Variants in L3MBTL4 observed in about 807,000 individuals in gnomAD.
L3MBTL4 encodes the protein L3MBTL histone methyl-lysine binding protein 4.
A neutral mutation model predicts 84.5 loss-of-function variants in L3MBTL4; 70 were observed. The ratio of observed to expected loss-of-function variants is 0.83; its 90% CI spans 0.68 to 1.01. The LOEUF is 1.01. L3MBTL4 is among the 50% of genes least tolerant of loss of function. The pLI is 0.00. For missense variants in L3MBTL4, 715 were observed against 754.8 expected, an observed-to-expected ratio of 0.95 and a Z score of 0.62; for synonymous variants, 274 against 259.8, an observed-to-expected ratio of 1.05 and a Z score of -0.52.
chr18:6,040,855 A>C (rs547837032), intron 16 of L3MBTL4, among the ~76,000 whole-genome samples: 1 of 152,278 alleles, frequency 6.6e-6, no homozygotes, highest in South Asian at 2.1e-4. Context: ...TCTCAGTTGT[A>C]GGGTCACAGG....
At chr18:6,022,322 G>A (rs986095304) in intron 16 of L3MBTL4, among the ~76,000 whole-genome samples, 2 of 152,044 alleles carry the variant, frequency 1.3e-5, no homozygotes, top group East Asian at 1.9e-4. Flanking sequence ...TATGACCACC[G>A]TTCTGCTCAA....
chr18:6,292,220 C>G lies in L3MBTL4; in HGVS notation c.127+9683G>C, dbSNP rs182160851. ...ACTCAATGGCTACGACAGGTTTCACCAAGTTTCTCCCATGGTCTTCAGGTT... is the reference window on the plus strand; with the variant it reads ...ACTCAATGGCTACGACAGGTTTCACGAAGTTTCTCCCATGGTCTTCAGGTT... On this transcript the variant is annotated intron_variant, in intron 4 of 18. Coordinates refer to ENST00000317931, the MANE Select transcript of L3MBTL4 (RefSeq NM_001330559.2). 2.3e-3 allele frequency among the ~76,000 whole-genome samples: 350 copies of G among 152,270 alleles called. 1 individual carries two copies. Among genetic ancestry groups the G allele is most frequent in the African/African-American group, 7.5e-3 (311 of 41,548 alleles).
At chr18:5,968,607 G>A (rs2052472103) in intron 17 of L3MBTL4, among the ~76,000 whole-genome samples, 1 of 151,956 alleles carries the variant, frequency 6.6e-6, no homozygotes, top group African/African-American at 2.4e-5. Context: ...TGAAGTGGGA[G>A]GATCGCTAGA....
intron 16 of L3MBTL4, among the ~76,000 whole-genome samples, chr18:6,025,880 C>T (rs1053140880): frequency 1.3e-5 from 2 of 152,210 alleles, no homozygotes; most frequent in African/African-American, 2.4e-5. Context: ...CTTCCTGCTG[C>T]GCAGCCTGGT....
At chr18:6,069,481 G>T (rs534148560) in intron 16 of L3MBTL4, among the ~76,000 whole-genome samples, 4 of 151,876 alleles carry the variant, frequency 2.6e-5, no homozygotes, top group African/African-American at 9.7e-5. Flanking sequence ...GTTCCCCAAA[G>T]TTTATGTCCT....
intron 12 of L3MBTL4, among the ~76,000 whole-genome samples, chr18:6,194,770 A>T (rs2045299450): frequency 6.6e-6 from 1 of 152,228 alleles, no homozygotes; most frequent in South Asian, 2.1e-4. Flanking sequence ...GTGACAGGAA[A>T]GGCATGGCAG....
intron 16 of L3MBTL4, among the ~76,000 whole-genome samples, chr18:6,060,389 A>T (rs905435334): frequency 2.0e-5 from 3 of 150,392 alleles, no homozygotes; most frequent in African/African-American, 7.3e-5. Flanking sequence ...ACTCGCAATC[A>T]GCTTTTTTTT....
intron 10 of L3MBTL4, among the ~76,000 whole-genome samples, chr18:6,217,364 G>A (rs1198805471): frequency 1.3e-5 from 2 of 151,906 alleles, no homozygotes; most frequent in Non-Finnish European, 2.9e-5. Flanking sequence ...TTCCCTTTAC[G>A]TAAATGCAAT....
intron 4 of L3MBTL4, among the ~76,000 whole-genome samples, chr18:6,300,485 A>G (rs1232890033): frequency 6.6e-6 from 1 of 152,250 alleles, no homozygotes; most frequent in African/African-American, 2.4e-5. Flanking sequence ...TAAAACTGAA[A>G]AGCTTCCAAC....
chr18:6,023,894 G>A (rs1410268485), intron 16 of L3MBTL4, among the ~76,000 whole-genome samples: 1 of 152,188 alleles, frequency 6.6e-6, no homozygotes, highest in African/African-American at 2.4e-5. Context: ...CAGTTCAGCT[G>A]CAACAAAATG....
At chr18:6,246,968 C>A (rs2047690782) in intron 5 of L3MBTL4, among the ~76,000 whole-genome samples, 1 of 152,000 alleles carries the variant, frequency 6.6e-6, no homozygotes, top group Non-Finnish European at 1.5e-5. Context: ...GTAGAGAGCA[C>A]ATGCATAGAT....
At chr18:5,961,864 G>A (rs997501841) in intron 17 of L3MBTL4, among the ~76,000 whole-genome samples, 1 of 152,228 alleles carries the variant, frequency 6.6e-6, no homozygotes, top group South Asian at 2.1e-4. Flanking sequence ...AATGCCGCTG[G>A]TCAAGCTGCA....
At position 6,178,797 on chromosome 18, in the gene L3MBTL4, C is replaced by T. The variant is rs561532454; in HGVS notation, c.982-6855G>A. 1.6e-4 allele frequency among the ~76,000 whole-genome samples: 25 copies of T among 152,288 alleles called. No individual in the cohort carries two copies. In the South Asian group the frequency reaches 1.7e-3, roughly 10 times the overall value. On this transcript the variant is annotated intron_variant, in intron 12 of 18. Transcript: ENST00000317931. The stretch of plus-strand genomic sequence containing the variant: ...AAACAACAACAACAAGGAAAAACTC[C>T]TTGGCATAAATCCCACACTTCCAGC...
chr18:6,353,556 C>CA (rs942320832), intron 1 of L3MBTL4, among the ~76,000 whole-genome samples: 63 of 152,014 alleles, frequency 4.1e-4, no homozygotes, highest in African/African-American at 1.3e-3. Flanking sequence ...AAAGACTCCA[C>CA]AAAAAAATCT....
At chr18:6,213,289 C>A (rs1308771879) in intron 11 of L3MBTL4, 30 bp from the exon 12 acceptor site, 3 of 1,322,862 alleles carry the variant, frequency 2.3e-6, no homozygotes, top group South Asian at 1.3e-5. Context: ...TACAACAAAT[C>A]ATGCAAAATT....
intron 13 of L3MBTL4, among the ~76,000 whole-genome samples, chr18:6,161,660 G>A (rs2043342302): frequency 6.6e-6 from 1 of 152,142 alleles, no homozygotes; most frequent in South Asian, 2.1e-4. Flanking sequence ...CTACACTTGT[G>A]CCATTTTCAC....
intron 16 of L3MBTL4, among the ~76,000 whole-genome samples, chr18:6,060,016 TGCA>T: frequency 6.6e-6 from 1 of 152,368 alleles, no homozygotes; most frequent in East Asian, 1.9e-4. Flanking sequence ...AGTAGAGTGC[TGCA>T]GGAGAGTATT....
intron 14 of L3MBTL4, among the ~76,000 whole-genome samples, chr18:6,126,429 C>T (rs965742749): frequency 1.3e-5 from 2 of 152,176 alleles, no homozygotes; most frequent in Admixed American, 1.3e-4. Context: ...CAATGTACTG[C>T]TCTTTCTCAC....
intron 15 of L3MBTL4, 95 bp downstream of exon 15, chr18:6,093,259 GA>G: frequency 1.0e-6 from 1 of 960,788 alleles, no homozygotes; most frequent in Non-Finnish European, 1.5e-6. Context: ...TAATTCTTTT[GA>G]AGAAAGAAAT....
Sources: gnomAD v4.1 joint callset for allele counts (sites outside exome capture counted in the v4.1 genomes callset) on GRCh38, gnomAD v4.1.1 for gene constraint, MANE v1.5 for transcripts, NCBI Gene and HGNC (gene_info 2026-07-23, HGNC 2026-07-21) for gene names.